Variants in STXBP5 observed in about 807,000 individuals in gnomAD.
STXBP5 encodes syntaxin-binding protein 5.
Under a neutral mutation model 152.4 loss-of-function variants are expected in STXBP5, and 50 were observed. The ratio of observed to expected loss-of-function variants is 0.33; its 90% CI spans 0.26 to 0.42. The LOEUF (loss-of-function observed/expected upper bound fraction) is 0.42. STXBP5 is among the 10% of genes least tolerant of loss of function. The pLI is 1.00. For missense variants in STXBP5, 1,167 were observed against 1,388.6 expected, an observed-to-expected ratio of 0.84 and a Z score of 2.54; for synonymous variants, 492 against 494.7, an observed-to-expected ratio of 0.99 and a Z score of 0.07.
At chr6:147,210,471 T>G (rs967552550) in intron 2 of STXBP5, among the ~76,000 whole-genome samples, 3 of 152,210 alleles carry the variant, frequency 2.0e-5, no homozygotes, top group Non-Finnish European at 4.4e-5. Context: ...AGTAGCTGTT[T>G]GGCATTGTCC....
intron 2 of STXBP5, among the ~76,000 whole-genome samples, chr6:147,219,280 A>G (rs1777337530): frequency 6.6e-6 from 1 of 152,176 alleles, no homozygotes; most frequent in Non-Finnish European, 1.5e-5. Context: ...CCATTTGGTC[A>G]TGCTGTGTGA....
chr6:147,218,706 C>T (rs1342430140), intron 2 of STXBP5, among the ~76,000 whole-genome samples: 2 of 152,148 alleles, frequency 1.3e-5, no homozygotes, highest in African/African-American at 4.8e-5. Flanking sequence ...GTCTTGAACT[C>T]CTGGGCTGCA....
Position 147,216,480 on chromosome 6 carries a change from C to A in STXBP5, c.248+10412C>A, listed in dbSNP as rs571754525. Among the ~76,000 whole-genome samples, 3 of 152,252 alleles carry A rather than the reference C, an allele frequency of 2.0e-5. No individual in the cohort carries two copies. The East Asian group carries it at 5.8e-4, about 29-fold the overall frequency. On this transcript the variant is annotated intron_variant, in intron 2 of 27. Coordinates refer to ENST00000321680, the MANE Select transcript of STXBP5 (RefSeq NM_001127715.4). The stretch of plus-strand genomic sequence containing the variant: ...ACTTTCTTTAGAATCAGATATATTA[C>A]ATGCCTCTTGTTGGAAAGAACATAT...
At chr6:147,353,208 T>A in intron 21 of STXBP5, 115 bp from the exon 22 acceptor site, 2 of 608,944 alleles carry the variant, frequency 3.3e-6, no homozygotes, top group Non-Finnish European at 5.5e-6. Flanking sequence ...CATCTTTTAT[T>A]TATCTCGGCA....
chr6:147,324,264 G>GGTTTTTTTTTTTT, intron 16 of STXBP5, among the ~76,000 whole-genome samples: 1 of 57,952 alleles, frequency 1.7e-5, no homozygotes, highest in Non-Finnish European at 2.9e-5. Context: ...TTTTTTTTTG[G>GGTTTTTTTTTTTT]TTTTTTTTTT....
intron 8 of STXBP5, among the ~76,000 whole-genome samples, chr6:147,280,961 A>G (rs967170039): frequency 1.3e-5 from 2 of 152,132 alleles, no homozygotes; most frequent in Non-Finnish European, 2.9e-5. Context: ...TTTATTTTAT[A>G]TAAGCTATAT....
chr6:147,365,248 C>A (rs75887940), intron 25 of STXBP5, among the ~76,000 whole-genome samples: 4 of 152,102 alleles, frequency 2.6e-5, no homozygotes, highest in African/African-American at 9.6e-5. Context: ...ATTTAAATTC[C>A]CATTTATGTT....
chr6:147,257,712 A>G lies in STXBP5; in HGVS notation c.432-2903A>G, dbSNP rs1322094587. The stretch of plus-strand genomic sequence containing the variant: ...TTGGGGTCTTGTTAACTCTAGAACT[A>G]TAAGAATTTATTTTCCTATATGTTT... On this transcript the variant is annotated intron_variant, in intron 4 of 27. Transcript: ENST00000321680. 2.0e-5 allele frequency among the ~76,000 whole-genome samples: 3 copies of G among 152,228 alleles called. No individual in the cohort carries two copies. The South Asian group carries it at 6.2e-4, about 32-fold the overall frequency.
chr6:147,270,481 A>C (rs1192166010), intron 7 of STXBP5, among the ~76,000 whole-genome samples: 1 of 151,978 alleles, frequency 6.6e-6, no homozygotes, highest in African/African-American at 2.4e-5. Context: ...CCACCTTCAC[A>C]GTACTGAAAG....
chr6:147,305,258 A>AT (rs1315317027), intron 9 of STXBP5, among the ~76,000 whole-genome samples: 1 of 152,232 alleles, frequency 6.6e-6, no homozygotes, highest in Non-Finnish European at 1.5e-5. Context: ...TTTTCAACAA[A>AT]TTTAAAAAAA....
intron 18 of STXBP5, among the ~76,000 whole-genome samples, 162 bp downstream of exon 18, chr6:147,327,438 T>C (rs975559371): frequency 6.6e-6 from 1 of 152,180 alleles, no homozygotes; most frequent in African/African-American, 2.4e-5. Context: ...TATTTTTGTT[T>C]TCTATAGTTG....
Position 147,382,927 on chromosome 6 carries a change from C to A in STXBP5, c.3343C>A (p.Leu1115Ile). The A allele has an allele frequency of 6.2e-7, 1 of 1,613,470 alleles. No individual in the cohort carries two copies. The highest frequency in any genetic ancestry group is 8.5e-7 in the Non-Finnish European group (1 of 1,179,676). ...GGCACTAGATGAAAGAGGGCAGAAA[C>A]TTGGCGATCTGGAAGAAAGAACTGC... ...RLALDERGQK[L>I]GDLEERTAAM... is the part of the protein sequence containing the mutation. The change falls in exon 27 of 28, where the codon CTT (leucine) becomes ATT (isoleucine). Residue 1115 changes from leucine (L) to isoleucine (I), a missense_variant. Leu to Ile is a conservative substitution (Grantham distance 5, BLOSUM62 2). This residue lies in a region of STXBP5 where 833 missense variants were observed against 986.3 expected (regional missense o/e 0.84). Transcript: ENST00000321680.
chr6:147,373,616 A>G (rs1785668804), intron 25 of STXBP5, 115 bp from the exon 26 acceptor site: 2 of 684,124 alleles, frequency 2.9e-6, no homozygotes, highest in Non-Finnish European at 5.1e-6. Flanking sequence ...ATTAATTGTG[A>G]ATCTCAACAG....
At chr6:147,337,585 A>G (rs535433005) in intron 19 of STXBP5, among the ~76,000 whole-genome samples, 2 of 152,054 alleles carry the variant, frequency 1.3e-5, no homozygotes, top group East Asian at 3.9e-4. Context: ...TTATGTATAG[A>G]TATGTTATCC....
intron 21 of STXBP5, among the ~76,000 whole-genome samples, chr6:147,347,632 C>G (rs1355587011): frequency 6.6e-6 from 1 of 152,130 alleles, no homozygotes; most frequent in African/African-American, 2.4e-5. Flanking sequence ...GGGCTACTTT[C>G]CTGATCTTTC....
At chr6:147,341,159 C>T (rs942508924) in intron 21 of STXBP5, among the ~76,000 whole-genome samples, 5 of 151,800 alleles carry the variant, frequency 3.3e-5, no homozygotes, top group African/African-American at 1.2e-4. Flanking sequence ...GGGAGACTGC[C>T]CCATTTTAGA....
intron 4 of STXBP5, among the ~76,000 whole-genome samples, chr6:147,239,890 A>G (rs1156659830): frequency 6.6e-6 from 1 of 151,242 alleles, no homozygotes; most frequent in Non-Finnish European, 1.5e-5. Flanking sequence ...GATTGGAAAA[A>G]CTTTTTCACC....
At chr6:147,303,651 C>T (rs916334092) in intron 9 of STXBP5, among the ~76,000 whole-genome samples, 3 of 152,080 alleles carry the variant, frequency 2.0e-5, no homozygotes, top group Non-Finnish European at 2.9e-5. Context: ...AAGATGTAGG[C>T]GAGTTTGCAG....
intron 4 of STXBP5, 28 bp downstream of exon 4, chr6:147,239,298 A>G (rs759984559): frequency 1.3e-6 from 2 of 1,576,390 alleles, no homozygotes; most frequent in Non-Finnish European, 1.7e-6. Flanking sequence ...TATCTTATGT[A>G]TAGGATATTT....
Sources: allele counts gnomAD v4.1 joint callset (sites outside exome capture counted in the v4.1 genomes callset), GRCh38; gene constraint gnomAD v4.1.1; regional missense constraint gnomAD v4.1.1; transcripts MANE v1.5; gene names NCBI Gene and HGNC (gene_info 2026-07-23, HGNC 2026-07-21).